The following ERICH1 variants were observed in gnomAD, a reference collection of about 807,000 sequenced individuals.
ERICH1 encodes glutamate rich 1.
Under a neutral mutation model 39.6 loss-of-function variants are expected in ERICH1, and 56 were observed. The ratio of observed to expected loss-of-function variants is 1.41; its 90% CI spans 1.14 to 1.77. The LOEUF (loss-of-function observed/expected upper bound fraction) is 1.77, where lower values mean the gene tolerates loss of function less well. Among genes scored for constraint, ERICH1 ranks in the 40% most tolerant of loss-of-function variants. The pLI is 0.00. For synonymous variants in ERICH1, 313 were observed against 223.6 expected (o/e 1.40, Z -3.57); for missense variants, 826 against 575.4 (o/e 1.44, Z -4.45).
At chr8:659,019 G>C (rs1410315061) in intron 3 of ERICH1, among the ~76,000 whole-genome samples, 1 of 114,646 alleles carries the variant, frequency 8.7e-6, no homozygotes, top group African/African-American at 3.3e-5. Flanking sequence ...CCTGGGGAGG[G>C]GGTGACCATC....
chr8:695,073 G>A (rs1460074237), intron 2 of ERICH1, among the ~76,000 whole-genome samples: 1 of 151,914 alleles, frequency 6.6e-6, no homozygotes, highest in African/African-American at 2.4e-5. Context: ...CTGCCCTGTG[G>A]GTTTCACCAG....
At chr8:708,700 T>G (rs1379240816) in intron 2 of ERICH1, among the ~76,000 whole-genome samples, 3 of 136,090 alleles carry the variant, frequency 2.2e-5, no homozygotes, top group South Asian at 2.5e-4. Context: ...TTTTTTTTTT[T>G]TTTTTTTTTT....
At chr8:668,973 C>T in intron 4 of ERICH1, 181 bp from the exon 5 acceptor site, 1 of 623,586 alleles carries the variant, frequency 1.6e-6, no homozygotes, top group Middle Eastern at 4.4e-4. Context: ...AATACCACTG[C>T]ATGAACGACT....
chr8:624,940 A>G (rs1262372664), intron 3 of ERICH1, among the ~76,000 whole-genome samples: 1 of 152,004 alleles, frequency 6.6e-6, no homozygotes, highest in Non-Finnish European at 1.5e-5. Flanking sequence ...GTTAGCCAGG[A>G]TGGTCTTGAT....
intron 3 of ERICH1, among the ~76,000 whole-genome samples, chr8:634,534 G>A (rs1022852023): frequency 1.3e-5 from 2 of 152,212 alleles, no homozygotes; most frequent in Non-Finnish European, 2.9e-5. Context: ...GGGCGGCCCC[G>A]TCGGGCGGGC....
At chr8:716,194 A>G (rs1011832010) in intron 1 of ERICH1, among the ~76,000 whole-genome samples, 187 bp from the exon 2 acceptor site, 3 of 152,122 alleles carry the variant, frequency 2.0e-5, no homozygotes, top group Non-Finnish European at 2.9e-5. Context: ...CCGCAGAGGA[A>G]CCCTTGAGGC....
intron 3 of ERICH1, among the ~76,000 whole-genome samples, chr8:632,018 A>AACTC (rs1563169061): frequency 1.2e-4 from 19 of 152,114 alleles, no homozygotes; most frequent in African/African-American, 4.6e-4. Context: ...CTCCCAAAGC[A>AACTC]CCACAGCCGG....
chr8:689,657 C>T (rs1212880665), intron 3 of ERICH1, among the ~76,000 whole-genome samples: 1 of 152,168 alleles, frequency 6.6e-6, no homozygotes, highest in African/African-American at 2.4e-5. Flanking sequence ...CTAAAAATTA[C>T]ATGGCTGGAC....
chr8:719,898 G>A (rs538061073), intron 1 of ERICH1, among the ~76,000 whole-genome samples: 9 of 152,222 alleles, frequency 5.9e-5, no homozygotes, highest in Admixed American at 2.6e-4. Context: ...TGGACCCAGC[G>A]CCCTCCAGCA....
At chr8:699,293 G>A (rs1234667973) in intron 2 of ERICH1, among the ~76,000 whole-genome samples, 2 of 152,120 alleles carry the variant, frequency 1.3e-5, no homozygotes, top group African/African-American at 2.4e-5. Flanking sequence ...ACCGGGGGGA[G>A]CGCCAGCCCC....
chr8:657,119 A>C (rs1359251445), intron 3 of ERICH1, among the ~76,000 whole-genome samples: 1 of 152,268 alleles, frequency 6.6e-6, no homozygotes, highest in Non-Finnish European at 1.5e-5. Context: ...TGCAATGTGG[A>C]ATATGAAACT....
At chr8:660,781 G>C (rs999539473), downstream of ERICH1, among the ~76,000 whole-genome samples, 1 of 152,218 alleles carries the variant, frequency 6.6e-6, no homozygotes, top group South Asian at 2.1e-4. Flanking sequence ...CCTCAGGACA[G>C]CGCTAAGATC....
intron 3 of ERICH1, among the ~76,000 whole-genome samples, chr8:631,414 G>T (rs1384302543): frequency 6.6e-6 from 1 of 152,204 alleles, no homozygotes; most frequent in African/African-American, 2.4e-5. Flanking sequence ...GGGCAGCCTG[G>T]TCATGCAGGC....
At chr8:689,203 C>G (rs756423548) in intron 3 of ERICH1, among the ~76,000 whole-genome samples, 24 of 152,168 alleles carry the variant, frequency 1.6e-4, no homozygotes, top group Admixed American at 3.3e-4. Context: ...CCTCCGCCTC[C>G]CCAGTTCAAG....
intron 3 of ERICH1, among the ~76,000 whole-genome samples, chr8:632,298 A>T (rs1282044699): frequency 4.6e-5 from 7 of 151,770 alleles, no homozygotes; most frequent in African/African-American, 1.7e-4. Flanking sequence ...GCTTTCATCC[A>T]GTCTTGCTGA....
At chr8:632,997 G>A (rs987834206) in intron 3 of ERICH1, among the ~76,000 whole-genome samples, 2 of 152,364 alleles carry the variant, frequency 1.3e-5, no homozygotes, top group African/African-American at 4.8e-5. Flanking sequence ...GACGCAGGGA[G>A]GGAGGCAGAT....
At chr8:657,495 A>C (rs1373122040) in intron 3 of ERICH1, among the ~76,000 whole-genome samples, 1 of 151,598 alleles carries the variant, frequency 6.6e-6, no homozygotes, top group Non-Finnish European at 1.5e-5. Flanking sequence ...GGCAGTTTTG[A>C]ATCAAGTAGA....
intron 3 of ERICH1, chr8:615,890 A>G (rs769650699): frequency 6.6e-6 from 1 of 152,434 alleles, no homozygotes; most frequent in Non-Finnish European, 1.5e-5. Flanking sequence ...CTCTTTAATG[A>G]ATACGCTGTG....
chr8:663,010 C>G (rs1801659585), downstream of ERICH1, among the ~76,000 whole-genome samples: 1 of 152,388 alleles, frequency 6.6e-6, no homozygotes, highest in South Asian at 2.1e-4. Context: ...GCGTCCTGTC[C>G]TCGGGTGACG....
Sources: allele counts gnomAD v4.1 joint callset (sites outside exome capture counted in the v4.1 genomes callset), GRCh38; gene constraint gnomAD v4.1.1; transcripts MANE v1.5; gene names NCBI Gene and HGNC (gene_info 2026-07-23, HGNC 2026-07-21).